KIAA1217: variants seen among roughly 807,000 people sequenced by gnomAD.
KIAA1217 encodes the protein KIAA1217.
A neutral mutation model predicts 163.9 loss-of-function variants in KIAA1217; 88 were observed. The observed-to-expected ratio is 0.54, with a 90% CI of 0.45 to 0.64. KIAA1217 has a LOEUF of 0.64. KIAA1217 is among the 30% of genes least tolerant of loss of function. KIAA1217 has a pLI of 0.00. For synonymous variants in KIAA1217, 903 were observed against 923.1 expected, an observed-to-expected ratio of 0.98 and a Z score of 0.39; for missense variants, 2,372 against 2,475.0, an observed-to-expected ratio of 0.96 and a Z score of 0.88.
chr10:24,415,814 G>A (rs2058201069), intron 3 of KIAA1217, among the ~76,000 whole-genome samples: 1 of 152,222 alleles, frequency 6.6e-6, no homozygotes, highest in South Asian at 2.1e-4. Flanking sequence ...AGGGCTGAGA[G>A]AAGGACATTC....
At position 24,456,307 on chromosome 10, in the gene KIAA1217, C is replaced by T. The variant is rs76326323; in HGVS notation, c.847-16921C>T. Among the ~76,000 whole-genome samples the T allele has an allele frequency of 1.8e-4, 27 of 152,306 alleles. No individual in the cohort carries two copies. In the East Asian group the frequency reaches 5.0e-3, roughly 28 times the overall value. ...GTATCTCCAAAACGAATGTGTCATT[C>T]GTTTCATCCTTCTGTGAATACATTC... On this transcript the variant is annotated intron_variant, in intron 5 of 20. Coordinates refer to ENST00000376454, the MANE Select transcript of KIAA1217 (RefSeq NM_019590.5).
intron 2 of KIAA1217, among the ~76,000 whole-genome samples, chr10:24,182,295 G>A (rs1197260787): frequency 6.6e-6 from 1 of 152,144 alleles, no homozygotes; most frequent in Admixed American, 6.5e-5. Context: ...AATTAGCTGG[G>A]CATGGTGGTG....
chr10:24,332,102 C>T (rs1364778431), intron 2 of KIAA1217, among the ~76,000 whole-genome samples: 1 of 152,198 alleles, frequency 6.6e-6, no homozygotes, highest in Non-Finnish European at 1.5e-5. Context: ...CACGTGATAT[C>T]AGTAGTCAGG....
intron 5 of KIAA1217, among the ~76,000 whole-genome samples, chr10:24,470,866 T>C (rs537793481): frequency 1.3e-5 from 2 of 152,340 alleles, no homozygotes; most frequent in African/African-American, 4.8e-5. Context: ...TCTACACCGC[T>C]GGATCCTTCC....
chr10:24,008,363 A>G (rs775981720), intron 2 of KIAA1217, among the ~76,000 whole-genome samples: 1 of 152,110 alleles, frequency 6.6e-6, no homozygotes, highest in Non-Finnish European at 1.5e-5. Context: ...AGCTTCCTCA[A>G]TGTCAGAATG....
chr10:23,963,014 C>T (rs1435565407), intron 1 of KIAA1217, among the ~76,000 whole-genome samples: 1 of 152,100 alleles, frequency 6.6e-6, no homozygotes, highest in Non-Finnish European at 1.5e-5. Flanking sequence ...AGGTTGTGAT[C>T]TTCTTAATTC....
intron 2 of KIAA1217, among the ~76,000 whole-genome samples, chr10:24,146,687 A>AG (rs1394787112): frequency 6.6e-6 from 1 of 152,064 alleles, no homozygotes; most frequent in Non-Finnish European, 1.5e-5. Context: ...TGTCTCAAAA[A>AG]GAAAAAAAAA....
intron 1 of KIAA1217, among the ~76,000 whole-genome samples, chr10:23,833,347 A>C (rs757282067): frequency 1.3e-5 from 2 of 151,982 alleles, no homozygotes; most frequent in Non-Finnish European, 2.9e-5. Flanking sequence ...GCAGAGTGTG[A>C]CTGTGATTGC....
At chr10:23,858,275 G>A (rs1273915472) in intron 1 of KIAA1217, among the ~76,000 whole-genome samples, 1 of 152,114 alleles carries the variant, frequency 6.6e-6, no homozygotes, top group African/African-American at 2.4e-5. Flanking sequence ...GTGCCTTGCT[G>A]TGTCATCATT....
At chr10:23,723,139 A>G (rs1025462680) in intron 1 of KIAA1217, among the ~76,000 whole-genome samples, 2 of 152,180 alleles carry the variant, frequency 1.3e-5, no homozygotes, top group Non-Finnish European at 2.9e-5. Flanking sequence ...ATGGATATTG[A>G]GAAGCTCATG....
intron 1 of KIAA1217, among the ~76,000 whole-genome samples, chr10:23,734,313 G>A (rs1398526948): frequency 1.4e-5 from 2 of 147,452 alleles, no homozygotes; most frequent in African/African-American, 5.0e-5. Context: ...ATAAGACAGA[G>A]TCTCACTCTG....
At chr10:24,175,009 A>G (rs1167341180) in intron 2 of KIAA1217, among the ~76,000 whole-genome samples, 1 of 138,118 alleles carries the variant, frequency 7.2e-6, no homozygotes, top group Non-Finnish European at 1.6e-5. Flanking sequence ...GGTGTGCACC[A>G]CCATGCCTGG....
At chr10:23,822,922 T>C (rs1269312842) in intron 1 of KIAA1217, among the ~76,000 whole-genome samples, 6 of 152,232 alleles carry the variant, frequency 3.9e-5, no homozygotes, top group Non-Finnish European at 4.4e-5. Flanking sequence ...TGTCTAAATT[T>C]AGCCTAAATT....
chr10:24,344,833 T>C (rs975107875), intron 2 of KIAA1217, among the ~76,000 whole-genome samples: 3 of 152,230 alleles, frequency 2.0e-5, no homozygotes, highest in African/African-American at 7.2e-5. Context: ...GGAATGTGTC[T>C]TGGATCTTGA....
At chr10:23,771,460 C>T (rs1834789836) in intron 1 of KIAA1217, among the ~76,000 whole-genome samples, 1 of 152,170 alleles carries the variant, frequency 6.6e-6, no homozygotes, top group African/African-American at 2.4e-5. Flanking sequence ...CCAAGCCATT[C>T]ATTTATGTAT....
chr10:24,000,643 G>C (rs1201861375), intron 1 of KIAA1217, among the ~76,000 whole-genome samples: 1 of 152,184 alleles, frequency 6.6e-6, no homozygotes, highest in Non-Finnish European at 1.5e-5. Flanking sequence ...GCAGTATCCT[G>C]GGGCACAAGT....
intron 1 of KIAA1217, among the ~76,000 whole-genome samples, chr10:23,892,906 G>T (rs957935658): frequency 2.6e-5 from 4 of 151,884 alleles, no homozygotes; most frequent in African/African-American, 9.7e-5. Flanking sequence ...CTTATGGTGC[G>T]GAAAACAACG....
At chr10:24,406,907 G>GA (rs2057276811) in intron 3 of KIAA1217, among the ~76,000 whole-genome samples, 1 of 152,144 alleles carries the variant, frequency 6.6e-6, no homozygotes, top group Non-Finnish European at 1.5e-5. Context: ...GAAGACTTCA[G>GA]AATGATTTTG....
At chr10:24,422,080 A>C (rs965788283) in intron 3 of KIAA1217, among the ~76,000 whole-genome samples, 2 of 152,188 alleles carry the variant, frequency 1.3e-5, no homozygotes, top group Non-Finnish European at 2.9e-5. Context: ...ACATGGTGGC[A>C]GGCAAAGAGA....
Sources: allele counts gnomAD v4.1 joint callset (sites outside exome capture counted in the v4.1 genomes callset), GRCh38; gene constraint gnomAD v4.1.1; transcripts MANE v1.5; gene names NCBI Gene and HGNC (gene_info 2026-07-23, HGNC 2026-07-21).